CP: variants seen among roughly 807,000 people sequenced by gnomAD.
CP encodes the protein ceruloplasmin, also known as caeruloplasmin.
CP carries 64 observed loss-of-function variants against 122.4 expected under a neutral mutation model. The ratio of observed to expected loss-of-function variants is 0.52; its 90% CI spans 0.43 to 0.64. CP has a LOEUF of 0.64. Ranked by LOEUF, CP falls within the 30% of genes least tolerant of loss-of-function variation. The pLI is 0.00. For synonymous variants in CP, 440 were observed against 436.4 expected (o/e 1.01, Z -0.10); for missense variants, 1,167 against 1,284.4 (o/e 0.91, Z 1.40).
At position 149,212,319 on chromosome 3, in the gene CP, TA is replaced by T. The variant is rs199891253; in HGVS notation, c.394+131del. The T allele has an allele frequency of 8.7e-3, 7,558 of 871,040 alleles. 12 individuals are homozygous for T. Among genetic ancestry groups the T allele is most frequent in the African/African-American group, 0.021 (1,187 of 55,982 alleles). 54.0% of individuals were successfully genotyped at this position (871,040 alleles called of 1,614,324 possible). On this transcript the variant is annotated intron_variant, in intron 2 of 18. Coordinates refer to ENST00000264613, the MANE Select transcript of CP (RefSeq NM_000096.4). ...GAAGTCAAAAAAAATTAAAAAAAAA[TA>T]AAAAAAAAATAGTTAAGAGCTGAAT...
In CP at chr3:149,179,472, AC is replaced by A. The variant is rs2108219367; in HGVS notation, c.2661+83del. ...TCCTAGGATTTTAACGTAGAATTGG[AC>A]CACAGGAAAACACTAACCTTGTCTT... On this transcript the variant is annotated intron_variant, in intron 15 of 18. Transcript: ENST00000264613. 4 of 1,020,310 alleles carry A rather than the reference AC, an allele frequency of 3.9e-6. No homozygotes were observed. In the East Asian group the frequency reaches 1.0e-4, roughly 25 times the overall value. The allele number at this position is 1,020,310 out of a possible 1,614,324, so 63.2% of individuals were successfully genotyped here.
chr3:149,209,761 G>A (rs2108295657), intron 3 of CP, among the ~76,000 whole-genome samples: 1 of 152,232 alleles, frequency 6.6e-6, no homozygotes, highest in East Asian at 1.9e-4. Flanking sequence ...GAGCTCCGTT[G>A]TCTTTTTCAT....
chr3:149,186,944 A>G (rs1726219590), intron 10 of CP, among the ~76,000 whole-genome samples: 1 of 152,186 alleles, frequency 6.6e-6, no homozygotes, highest in Non-Finnish European at 1.5e-5. Context: ...AGCTGAATGC[A>G]TAGTTCTTGT....
Position 149,188,151 on chromosome 3 carries a change from C to G in CP, c.1765G>C (p.Glu589Gln). The G allele has an allele frequency of 6.2e-7, 1 of 1,612,844 alleles. No individual in the cohort carries two copies. Among genetic ancestry groups the G allele is most frequent in the Non-Finnish European group, 8.5e-7 (1 of 1,179,546 alleles). The change falls in exon 10 of 19, where the codon GAG becomes CAG. Residue 589 changes from glutamate to glutamine, a missense_variant. By Grantham distance (29) the Glu-to-Gln change is conservative. This residue lies in a region of CP where 525 missense variants were observed against 657.2 expected (regional missense o/e 0.80). Coordinates refer to ENST00000264613, the MANE Select transcript of CP (RefSeq NM_000096.4). ...ATATTATCTTCCAGGAGTAAACTCT[C>G]ATTCTCATCAAATACTGTAGGAAAC... ...YLFPTVFDEN[E>Q]SLLLEDNIRM...
At chr3:149,190,318 G>A (rs1319276267) in intron 9 of CP, among the ~76,000 whole-genome samples, 2 of 152,086 alleles carry the variant, frequency 1.3e-5, no homozygotes, top group African/African-American at 4.8e-5. Context: ...TTAGAAAGAA[G>A]TGCCTGACTG....
chr3:149,176,523 A>T (rs1366786515), intron 17 of CP, 111 bp from the exon 18 acceptor site: 2 of 912,388 alleles, frequency 2.2e-6, no homozygotes, highest in Non-Finnish European at 3.4e-6. Context: ...ATCTGTTTTT[A>T]AAAAATCGAG....
downstream of CP, chr3:149,172,311 TTA>T (rs1258939824): frequency 4.4e-5 from 35 of 786,768 alleles, no homozygotes; most frequent in Non-Finnish European, 6.3e-5. Context: ...GTTTTTTATT[TTA>T]TATATCACAC....
intron 5 of CP, among the ~76,000 whole-genome samples, chr3:149,163,377 G>A (rs1010310955): frequency 6.6e-5 from 10 of 152,074 alleles, no homozygotes; most frequent in East Asian, 1.9e-4. Context: ...TCTTGCTACC[G>A]TTCTTGCTCC....
intron 6 of CP, among the ~76,000 whole-genome samples, chr3:149,202,581 TTTGTTGTTG>T (rs891753397): frequency 1.3e-5 from 2 of 151,688 alleles, no homozygotes; most frequent in African/African-American, 4.8e-5. Context: ...TGGCTAGTTT[TTTGTTGTTG>T]TTGTTGTTGT....
intron 5 of CP, among the ~76,000 whole-genome samples, chr3:149,165,276 G>A (rs1724303829): frequency 6.6e-6 from 1 of 152,098 alleles, no homozygotes; most frequent in South Asian, 2.1e-4. Context: ...ATTGTAATTG[G>A]AATAAGTGCT....
chr3:149,206,520 CAG>C (rs1355143381), intron 5 of CP, among the ~76,000 whole-genome samples, 181 bp from the exon 6 acceptor site: 14 of 152,162 alleles, frequency 9.2e-5, no homozygotes, highest in Non-Finnish European at 2.9e-5. Context: ...AAGTTTAAAA[CAG>C]ATATACTTTG....
downstream of CP, chr3:149,167,804 G>C (rs373810569): frequency 1.2e-6 from 1 of 834,856 alleles, no homozygotes; most frequent in Non-Finnish European, 2.1e-6. Flanking sequence ...TTTTTGCTCT[G>C]TGCTTTCCTG....
rs530346751 is a variant in CP at position 149,208,311 on chromosome 3, C to T, written c.782-694G>A. ...TTAGTTCTGGGAAGAATCCTGAGTG[C>T]ACCACATGTAACACTGGTACCAAAT... On this transcript the variant is annotated intron_variant, in intron 4 of 18. Coordinates refer to ENST00000264613, the MANE Select transcript of CP (RefSeq NM_000096.4). 3.3e-5 allele frequency among the ~76,000 whole-genome samples: 5 copies of T among 152,206 alleles called. No homozygotes were observed. The South Asian group carries it at 8.3e-4, about 25-fold the overall frequency.
chr3:149,201,228 A>AT (rs1318010602), intron 7 of CP, among the ~76,000 whole-genome samples: 2 of 151,962 alleles, frequency 1.3e-5, no homozygotes. Flanking sequence ...AGTTCACGCC[A>AT]TTCTCCTGCC....
downstream of CP, chr3:149,170,475 AT>A (rs1724866259): frequency 6.6e-6 from 1 of 152,286 alleles, no homozygotes; most frequent in African/African-American, 2.4e-5. Context: ...TTTTAGCTTA[AT>A]TTTCACGGGA....
intron 9 of CP, among the ~76,000 whole-genome samples, chr3:149,188,403 T>C (rs1234051546): frequency 6.9e-6 from 1 of 144,774 alleles, no homozygotes; most frequent in Non-Finnish European, 1.5e-5. Flanking sequence ...GGATTTGTGG[T>C]TCAATATGGT....
intron 1 of CP, among the ~76,000 whole-genome samples, chr3:149,215,824 C>T (rs766490102): frequency 2.6e-4 from 40 of 152,132 alleles, no homozygotes; most frequent in Non-Finnish European, 5.0e-4. Flanking sequence ...CCTTTCTACT[C>T]ATTACTGTAG....
At chr3:149,205,678 G>A (rs1224397630) in intron 6 of CP, among the ~76,000 whole-genome samples, 1 of 152,108 alleles carries the variant, frequency 6.6e-6, no homozygotes, top group African/African-American at 2.4e-5. Context: ...TGTATGAGTT[G>A]CCTAGAATAG....
rs773337495 is a variant in CP at position 149,199,778 on chromosome 3, C to T, written c.1435G>A (p.Gly479Arg). The change falls in exon 8 of 19, where the codon GGG becomes AGG. Residue 479 changes from glycine to arginine, a missense_variant. Around this residue, in one of 2 missense-constraint regions of CP, gnomAD observed 642 missense variants for 627.3 expected, o/e 1.02. Transcript: ENST00000264613. ...GAYPLSIEPI[G>R]VRFNKNNEGT... ...TCGTTGTTCTTATTGAATCTCACCCCAATCGGCTCAATACTGAGGGGATAT... is the reference window on the plus strand; with the variant it reads ...TCGTTGTTCTTATTGAATCTCACCCTAATCGGCTCAATACTGAGGGGATAT... 2.5e-6 allele frequency: 4 copies of T among 1,614,032 alleles called. No homozygotes were observed. In the Admixed American group the frequency reaches 5.0e-5, roughly 20 times the overall value.
Sources: allele counts gnomAD v4.1 joint callset (sites outside exome capture counted in the v4.1 genomes callset), GRCh38; gene constraint gnomAD v4.1.1; regional missense constraint gnomAD v4.1.1; transcripts MANE v1.5; gene names NCBI Gene and HGNC (gene_info 2026-07-23, HGNC 2026-07-21).